MAP2K1: variants seen among roughly 807,000 people sequenced by gnomAD.
MAP2K1 encodes the protein dual specificity mitogen-activated protein kinase kinase 1.
Under a neutral mutation model 46.3 loss-of-function variants are expected in MAP2K1, and 16 were observed. The observed-to-expected ratio is 0.35, with a 90% CI of 0.23 to 0.52. The LOEUF is 0.52. MAP2K1 is among the 20% of genes least tolerant of loss of function. MAP2K1 has a pLI of 0.94. For synonymous variants in MAP2K1, 183 were observed against 185.6 expected (o/e 0.99, Z 0.11); for missense variants, 263 against 497.1 (o/e 0.53, Z 4.48).
chr15:66,469,318 C>T (rs1892549693), intron 5 of MAP2K1, among the ~76,000 whole-genome samples: 1 of 152,156 alleles, frequency 6.6e-6, no homozygotes, highest in South Asian at 2.1e-4. Flanking sequence ...TCATTAAAAA[C>T]CCAAGAGTAG....
chr15:66,467,717 C>A (rs905127496), intron 5 of MAP2K1, among the ~76,000 whole-genome samples: 1 of 152,148 alleles, frequency 6.6e-6, no homozygotes, highest in African/African-American at 2.4e-5. Context: ...CCTGCCACCA[C>A]GCCCAACTAA....
intron 1 of MAP2K1, among the ~76,000 whole-genome samples, chr15:66,421,053 TACACAC>T (rs1194581159): frequency 2.0e-5 from 3 of 146,522 alleles, no homozygotes; most frequent in Non-Finnish European, 4.5e-5. Flanking sequence ...TATATATATG[TACACAC>T]ATACACACAC....
intron 1 of MAP2K1, among the ~76,000 whole-genome samples, chr15:66,431,753 G>A (rs1489819367): frequency 6.6e-6 from 1 of 152,150 alleles, no homozygotes; most frequent in Non-Finnish European, 1.5e-5. Flanking sequence ...TGTTAACATA[G>A]GTGGACCTGT....
chr15:66,434,426 G>A (rs1386802495), intron 1 of MAP2K1, among the ~76,000 whole-genome samples: 1 of 152,152 alleles, frequency 6.6e-6, no homozygotes, highest in East Asian at 1.9e-4. Flanking sequence ...AAAGAGTCTT[G>A]CCCTATGTTA....
intron 1 of MAP2K1, chr15:66,401,925 T>A: frequency 1.5e-6 from 2 of 1,300,324 alleles, no homozygotes; most frequent in Non-Finnish European, 2.0e-6. Context: ...TCGGTTCGGG[T>A]CGAAGGAAAT....
chr15:66,405,107 G>A lies in MAP2K1; in HGVS notation c.80+17680G>A, dbSNP rs543483774. Among the ~76,000 whole-genome samples, 13 of 152,292 alleles carry A rather than the reference G, an allele frequency of 8.5e-5. No individual in the cohort carries two copies. In the South Asian group the frequency reaches 2.3e-3, roughly 27 times the overall value. On this transcript the variant is annotated intron_variant, in intron 1 of 10. Coordinates refer to ENST00000307102, the MANE Select transcript of MAP2K1 (RefSeq NM_002755.4). ...TTTGCACTAAAATTCTGCAAGAAAGGTCATAGTATTCTATTTTACAAATAA... is the reference window on the plus strand; with the variant it reads ...TTTGCACTAAAATTCTGCAAGAAAGATCATAGTATTCTATTTTACAAATAA...
At chr15:66,415,537 CT>C (rs2093422636) in intron 1 of MAP2K1, among the ~76,000 whole-genome samples, 1 of 152,194 alleles carries the variant, frequency 6.6e-6, no homozygotes, top group African/African-American at 2.4e-5. Context: ...ATCACCCAGT[CT>C]TGCCAACTCT....
chr15:66,404,900 A>AGGAT (rs1246362675), intron 1 of MAP2K1, among the ~76,000 whole-genome samples: 3 of 152,176 alleles, frequency 2.0e-5, no homozygotes, highest in Non-Finnish European at 1.5e-5. Context: ...TTGATAGACA[A>AGGAT]GGATGCATCT....
Position 66,387,374 on chromosome 15 carries a change from C to G in MAP2K1, c.27C>G (p.Ile9Met). ...TGCCCAAGAAGAAGCCGACGCCCAT[C>G]CAGCTGAACCCGGCCCCCGACGGCT... Reference protein sequence around the residue: MPKKKPTPIQLNPAPDGSA... With the variant: MPKKKPTPMQLNPAPDGSA... The change falls in exon 1 of 11, where the codon ATC becomes ATG. Residue 9 changes from isoleucine (I) to methionine (M), a missense_variant. By Grantham distance (10) the Ile-to-Met change is conservative. Transcript: ENST00000307102. 1.3e-6 allele frequency: 2 copies of G among 1,566,416 alleles called. No individual in the cohort carries two copies. The highest frequency in any genetic ancestry group is 1.7e-6 in the Non-Finnish European group (2 of 1,154,824).
At chr15:66,409,550 A>G (rs2093406279) in intron 1 of MAP2K1, among the ~76,000 whole-genome samples, 1 of 152,196 alleles carries the variant, frequency 6.6e-6, no homozygotes, top group Admixed American at 6.5e-5. Flanking sequence ...TCTGGGGACT[A>G]GGATAGGACA....
At chr15:66,391,101 G>A (rs2093355248) in intron 1 of MAP2K1, among the ~76,000 whole-genome samples, 1 of 150,590 alleles carries the variant, frequency 6.6e-6, no homozygotes, top group Admixed American at 6.6e-5. Context: ...ATGTTGCCCA[G>A]GCTGGTTCTT....
Position 66,443,082 on chromosome 15 carries a change from A to ATTTTTT in MAP2K1, c.439-180_439-175dup, listed in dbSNP as rs398027713. The stretch of plus-strand genomic sequence containing the variant: ...CCTTCTGGGGTTTTTTTGTGTGTGT[A>ATTTTTT]TTTTTTTTTTTTTTTTTTTTTTTGA... On this transcript the variant is annotated intron_variant, in intron 3 of 10. Transcript: ENST00000307102. Among the ~76,000 whole-genome samples, 20 of 91,064 alleles carry ATTTTTT rather than the reference A, an allele frequency of 2.2e-4. 1 individual carries two copies. Among genetic ancestry groups the ATTTTTT allele is most frequent in the Admixed American group, 1.3e-3 (8 of 6,312 alleles). The allele number at this position is 91,064 out of a possible 152,430, so 59.7% of individuals were successfully genotyped here.
chr15:66,458,683 A>G (rs1892234960), intron 5 of MAP2K1, among the ~76,000 whole-genome samples: 1 of 152,080 alleles, frequency 6.6e-6, no homozygotes, highest in South Asian at 2.1e-4. Flanking sequence ...TGCCTGACTA[A>G]TTTTAAAAAT....
rs377323150 is a variant in MAP2K1, at chr15:66,435,222, G to A, written c.276G>A (p.Leu92=). ...AGGTCTCCCACAAGCCTTCTGGCCT[G>A]GTCATGGCCAGAAAGGTGAGTTTGC... ...VFKVSHKPSG[L]VMARKLIHLE... Residue 92 remains leucine, a synonymous_variant, in exon 2 of 11, where the codon CTG becomes CTA. Coordinates refer to ENST00000307102, the MANE Select transcript of MAP2K1 (RefSeq NM_002755.4). 6.2e-7 allele frequency: 1 copy of A among 1,613,700 alleles called. No individual in the cohort carries two copies. The highest frequency in any genetic ancestry group is 8.5e-7 in the Non-Finnish European group (1 of 1,179,698).
Position 66,487,248 on chromosome 15 carries a change from C to T in MAP2K1, c.916C>T (p.Pro306Ser), listed in dbSNP as rs761222249. The change falls in exon 8 of 11, where the codon CCT becomes TCT. Residue 306 changes from proline (P) to serine (S), a missense_variant. Pro to Ser is a moderately conservative substitution (Grantham distance 74, BLOSUM62 -1). Transcript: ENST00000307102. ...PLSSYGMDSR[P>S]PMAIFELLDY... ...TGTAGCATACGGAATGGACAGCCGA[C>T]CTCCCATGGCAATTTTTGAGTTGTT... 1 of 1,614,122 alleles carries T rather than the reference C, an allele frequency of 6.2e-7. No individual in the cohort carries two copies. Among genetic ancestry groups the T allele is most frequent in the Non-Finnish European group, 8.5e-7 (1 of 1,179,992 alleles).
intron 2 of MAP2K1, 81 bp from the exon 3 acceptor site, chr15:66,436,664 TA>T: frequency 7.2e-7 from 1 of 1,385,632 alleles, no homozygotes; most frequent in Non-Finnish European, 1.0e-6. Context: ...TTAAAGAGCT[TA>T]AACATTTAAC....
intron 1 of MAP2K1, among the ~76,000 whole-genome samples, chr15:66,425,398 C>T (rs1047177627): frequency 2.6e-5 from 4 of 151,864 alleles, no homozygotes; most frequent in Admixed American, 6.6e-5. Context: ...TTTTTTTAAC[C>T]TCTTCCTTGA....
chr15:66,387,248 C>G lies in MAP2K1; in HGVS notation c.-100C>G. On this transcript the variant is annotated 5_prime_UTR_variant, in exon 1 of 11. Coordinates refer to ENST00000307102, the MANE Select transcript of MAP2K1 (RefSeq NM_002755.4). ...GAAGGCAGCCCCGGGGCCCGCGGCC[C>G]GGACTTGGTCCTGCGCAGCGGGCGC... is the stretch of plus-strand genomic sequence containing the variant. 1 of 1,041,034 alleles carries G rather than the reference C, an allele frequency of 9.6e-7. No individual in the cohort carries two copies. The highest frequency in any genetic ancestry group is 2.8e-5 in the East Asian group (1 of 35,552). 64.5% of individuals were successfully genotyped at this position (1,041,034 alleles called of 1,614,324 possible). A position where few individuals can be genotyped will look rare whatever the true frequency, so the allele number is the denominator to read the frequency against.
rs776051290 is a variant in MAP2K1, at chr15:66,490,660, G to A, written c.*45G>A. On this transcript the variant is annotated 3_prime_UTR_variant, in exon 11 of 11. Coordinates refer to ENST00000307102, the MANE Select transcript of MAP2K1 (RefSeq NM_002755.4). ...GAGCGAGTCCCCTGCCCGGTGGTTT[G>A]CCATGTCGCTTTTGGGCCTCCTTCC... is the stretch of plus-strand genomic sequence containing the variant. 6.7e-7 allele frequency: 1 copy of A among 1,487,596 alleles called. No homozygotes were observed. Among genetic ancestry groups the A allele is most frequent in the Non-Finnish European group, 9.4e-7 (1 of 1,064,798 alleles). The allele number at this position is 1,487,596 out of a possible 1,614,324, so 92.1% of individuals were successfully genotyped here.
Sources: allele counts gnomAD v4.1 joint callset (sites outside exome capture counted in the v4.1 genomes callset), GRCh38; gene constraint gnomAD v4.1.1; transcripts MANE v1.5; gene names NCBI Gene and HGNC (gene_info 2026-07-23, HGNC 2026-07-21).